The following EXD3 variants were observed in gnomAD, a reference collection of about 807,000 sequenced individuals.
EXD3 encodes exonuclease 3'-5' domain containing 3.
In EXD3, 92 loss-of-function variants were observed where a neutral mutation model predicts 98.0. That is an observed-to-expected ratio of 0.94 (90% CI 0.79 to 1.12). EXD3 has a LOEUF of 1.12. Among genes scored for constraint, EXD3 ranks in the 50% most tolerant of loss-of-function variants. The probability of loss-of-function intolerance (pLI) is 0.00; values close to 1 mark genes in which losing one functional copy is unlikely to be tolerated. For missense variants in EXD3, 1,222 were observed against 1,191.6 expected, an observed-to-expected ratio of 1.03 and a Z score of -0.38; for synonymous variants, 569 against 526.0, an observed-to-expected ratio of 1.08 and a Z score of -1.12.
At chr9:137,380,450 C>G (rs1209964003) in intron 3 of EXD3, among the ~76,000 whole-genome samples, 2 of 69,608 alleles carry the variant, frequency 2.9e-5, no homozygotes, top group Non-Finnish European at 6.3e-5. Flanking sequence ...GTATCCCCCG[C>G]ACCCCAACCC....
At chr9:137,411,149 C>T (rs1251905065) in intron 1 of EXD3, among the ~76,000 whole-genome samples, 1 of 152,196 alleles carries the variant, frequency 6.6e-6, no homozygotes, top group Non-Finnish European at 1.5e-5. Flanking sequence ...GGCCGGCCCC[C>T]CGGGTGGGGA....
intron 8 of EXD3, among the ~76,000 whole-genome samples, chr9:137,355,500 GGAGGAAGGAGGAAGGAGGAAGGAGGAT>G (rs1564508334): frequency 2.9e-4 from 24 of 82,308 alleles, no homozygotes; most frequent in Admixed American, 7.9e-4. Context: ...GATGGAGGAA[GGAGGAAGGAGGAAGGAGGAAGGAGGAT>G]GGAGGAAGGA....
intron 17 of EXD3, among the ~76,000 whole-genome samples, chr9:137,339,649 G>C (rs1419936440): frequency 6.6e-6 from 1 of 152,094 alleles, no homozygotes; most frequent in African/African-American, 2.4e-5. Flanking sequence ...ACAGATTAAA[G>C]GAAAAATAAC....
chr9:137,373,497 AG>A lies in EXD3; in HGVS notation c.222del (p.Ser75ProfsTer27), dbSNP rs759730907. The A allele has an allele frequency of 2.5e-6, 4 of 1,607,908 alleles. No individual in the cohort carries two copies. The highest frequency in any genetic ancestry group is 3.4e-6 in the Non-Finnish European group (4 of 1,178,216). ...TGGTGGGAGATCCAGGCCGCCAGGG[AG>A]GGGCCCTCTCCCCGCTGGCCCCGGC... is the stretch of plus-strand genomic sequence containing the variant. ...ESCRGQRGEG[P>X]SLAAWISHQL... On this transcript the variant is annotated frameshift_variant, in exon 4 of 22. Coordinates refer to ENST00000340951, the MANE Select transcript of EXD3 (RefSeq NM_017820.5). LOFTEE classifies it high-confidence loss of function.
chr9:137,307,124 A>AC lies in EXD3; in HGVS notation c.2456dup (p.Val820CysfsTer64). On this transcript the variant is annotated frameshift_variant, in exon 22 of 22. Coordinates refer to ENST00000340951, the MANE Select transcript of EXD3 (RefSeq NM_017820.5). LOFTEE classifies it low-confidence loss of function (END_TRUNC). The stretch of plus-strand genomic sequence containing the variant: ...ACCGCAGCCCAGGTGTCCTCAGCAC[A>AC]CCCACCGGGACCCCTGCCAGCTGCA... 6.2e-7 allele frequency: 1 copy of AC among 1,602,018 alleles called. No homozygotes were observed. Among genetic ancestry groups the AC allele is most frequent in the Non-Finnish European group, 8.5e-7 (1 of 1,175,304 alleles).
In EXD3 at chr9:137,395,225, G is replaced by GC; in HGVS notation, c.55+77dup. On this transcript the variant is annotated intron_variant, in intron 2 of 21. Transcript: ENST00000340951. This position sits in a 1 kb window ranked among gnomAD's most constrained non-coding sequence, Gnocchi z 6.5. ...CCTCGTCACTGAGTACACAGTGGGC[G>GC]CCACCACCCCCCATGCACACCCACG... 2 of 1,337,584 alleles carry GC rather than the reference G, an allele frequency of 1.5e-6. No homozygotes were observed. The highest frequency in any genetic ancestry group is 1.1e-6 in the Non-Finnish European group (1 of 931,632). The allele number at this position is 1,337,584 out of a possible 1,614,324, so 82.9% of individuals were successfully genotyped here.
intron 8 of EXD3, among the ~76,000 whole-genome samples, chr9:137,355,841 C>T (rs369289761): frequency 1.2e-4 from 18 of 152,308 alleles, no homozygotes; most frequent in East Asian, 7.7e-4. Flanking sequence ...AGTGCATCTT[C>T]CCGGCCCTTG....
chr9:137,373,277 TGA>T, intron 4 of EXD3, 147 bp downstream of exon 4: 1 of 930,766 alleles, frequency 1.1e-6, no homozygotes, highest in Non-Finnish European at 1.5e-6. Flanking sequence ...AGCCACGGGC[TGA>T]GTCTTGGCCA....
chr9:137,383,473 TG>T, intron 2 of EXD3, 96 bp from the exon 3 acceptor site: 3 of 933,812 alleles, frequency 3.2e-6, no homozygotes, highest in Non-Finnish European at 4.8e-6. Context: ...CCGCAATGCC[TG>T]GGGCTCCTCT....
At chr9:137,381,415 CAAAAAAAAAAAA>C (rs61183889) in intron 3 of EXD3, among the ~76,000 whole-genome samples, 1 of 50,846 alleles carries the variant, frequency 2.0e-5, no homozygotes, top group African/African-American at 6.7e-5. Flanking sequence ...GACTCCTTCT[CAAAAAAAAAAAA>C]AAAAAAAAAA....
Position 137,307,662 on chromosome 9 carries a change from G to T in EXD3, c.2279-16C>A, listed in dbSNP as rs749305992. 1 of 1,608,598 alleles carries T rather than the reference G, an allele frequency of 6.2e-7. No individual in the cohort carries two copies. Among genetic ancestry groups the T allele is most frequent in the Non-Finnish European group, 8.5e-7 (1 of 1,179,648 alleles). ...GCCTCGTCACCTGTCAGTCAAGGAA[G>T]AGAGCTGGTCCGGGACTGTCCTAGG... On this transcript the variant is annotated splice_polypyrimidine_tract_variant and intron_variant, in intron 20 of 21. Coordinates refer to ENST00000340951, the MANE Select transcript of EXD3 (RefSeq NM_017820.5).
intron 17 of EXD3, among the ~76,000 whole-genome samples, chr9:137,327,887 A>C (rs62586789): frequency 1.9e-5 from 1 of 52,744 alleles, no homozygotes; most frequent in African/African-American, 7.6e-5. Flanking sequence ...ACAATGAATA[A>C]ACACCCACAT....
intron 1 of EXD3, among the ~76,000 whole-genome samples, chr9:137,397,740 G>A (rs1450825740): frequency 1.3e-5 from 2 of 152,048 alleles, no homozygotes; most frequent in Non-Finnish European, 2.9e-5. Context: ...CTTGAGCCCA[G>A]GAGTTTGAGA....
intron 9 of EXD3, 21 bp downstream of exon 9, chr9:137,354,679 G>C: frequency 6.2e-7 from 1 of 1,609,724 alleles, no homozygotes; most frequent in Non-Finnish European, 8.5e-7. Context: ...CTGCCCCCAG[G>C]ACCCCCTCCT....
Position 137,352,780 on chromosome 9 carries a change from C to G in EXD3, c.877G>C (p.Val293Leu), listed in dbSNP as rs1357718759. 6.3e-7 allele frequency: 1 copy of G among 1,581,478 alleles called. No homozygotes were observed. Among genetic ancestry groups the G allele is most frequent in the African/African-American group, 1.3e-5 (1 of 74,372 alleles). ...TCCTGAAGCCACGGGCTCTGCCCCA[C>G]CAGGCCCTGTGAGGAGGGTGGCCGT... ...ENWTDHVQGL[V>L]GQSPWLQEQL... Residue 293 changes from valine (V) to leucine (L), a missense_variant, in exon 11 of 22, where the codon GTG (valine) becomes CTG (leucine). Transcript: ENST00000340951.
intron 1 of EXD3, among the ~76,000 whole-genome samples, chr9:137,419,528 G>T (rs953655217): frequency 6.6e-6 from 1 of 152,132 alleles, no homozygotes; most frequent in African/African-American, 2.4e-5. Flanking sequence ...AATTAGCTGG[G>T]CATGGTGGCT....
chr9:137,399,066 G>A (rs1837364034), intron 1 of EXD3, among the ~76,000 whole-genome samples: 1 of 151,700 alleles, frequency 6.6e-6, no homozygotes, highest in South Asian at 2.1e-4. Flanking sequence ...TGTGGCACAG[G>A]CGCATCCACG....
At chr9:137,390,847 A>G (rs1485304855) in intron 2 of EXD3, among the ~76,000 whole-genome samples, 3 of 150,398 alleles carry the variant, frequency 2.0e-5, no homozygotes, top group African/African-American at 7.3e-5. Flanking sequence ...AGCCGAGGAG[A>G]GAAAGGCCCG....
intron 17 of EXD3, among the ~76,000 whole-genome samples, chr9:137,333,498 C>A (rs761906861): frequency 6.6e-6 from 1 of 152,182 alleles, no homozygotes; most frequent in Non-Finnish European, 1.5e-5. Context: ...CAAATCTCAT[C>A]CTGAAATGCA....
Sources: allele counts gnomAD v4.1 joint callset (sites outside exome capture counted in the v4.1 genomes callset), GRCh38; gene constraint gnomAD v4.1.1; non-coding constraint Gnocchi (gnomAD v3.1); transcripts MANE v1.5; gene names NCBI Gene and HGNC (gene_info 2026-07-23, HGNC 2026-07-21).